The following SGCD variants were observed in gnomAD, a reference collection of about 807,000 sequenced individuals.
SGCD encodes the protein sarcoglycan delta.
In SGCD, 18 loss-of-function variants were observed where a neutral mutation model predicts 36.6. That is an observed-to-expected ratio of 0.49 (90% CI 0.34 to 0.73). The LOEUF is 0.73. SGCD is among the 30% of genes least tolerant of loss of function. SGCD has a pLI of 0.01. For missense variants in SGCD, 387 were observed against 346.7 expected, an observed-to-expected ratio of 1.12 and a Z score of -0.92; for synonymous variants, 133 against 130.6, an observed-to-expected ratio of 1.02 and a Z score of -0.12.
chr5:156,004,852 C>A (rs1758726864), intron 1 of SGCD, among the ~76,000 whole-genome samples: 2 of 152,196 alleles, frequency 1.3e-5, no homozygotes, highest in Non-Finnish European at 2.9e-5. Context: ...AGATTGAGCC[C>A]ATTCTCGCCT....
chr5:155,917,353 A>G (rs1408708498), intron 1 of SGCD, among the ~76,000 whole-genome samples: 1 of 152,186 alleles, frequency 6.6e-6, no homozygotes, highest in Non-Finnish European at 1.5e-5. Context: ...CTGACCTGAT[A>G]GAACTGTGGT....
At chr5:156,033,336 C>A (rs1212566100) in intron 1 of SGCD, among the ~76,000 whole-genome samples, 1 of 152,106 alleles carries the variant, frequency 6.6e-6, no homozygotes, top group East Asian at 1.9e-4. Context: ...ACCCGTCACC[C>A]AAATAGTGAA....
chr5:156,269,505 A>AAAAAAAC (rs1189540837), intron 3 of SGCD, among the ~76,000 whole-genome samples: 3 of 86,196 alleles, frequency 3.5e-5, no homozygotes, highest in Non-Finnish European at 7.3e-5. Context: ...AAAAAAAAAA[A>AAAAAAAC]AAAAACCATC....
chr5:156,289,923 G>A (rs529895889), intron 3 of SGCD, among the ~76,000 whole-genome samples: 1 of 152,102 alleles, frequency 6.6e-6, no homozygotes, highest in South Asian at 2.1e-4. Context: ...TAATAATACT[G>A]AATTATATGG....
intron 1 of SGCD, among the ~76,000 whole-genome samples, chr5:155,976,390 T>C (rs1186750588): frequency 6.6e-6 from 1 of 152,270 alleles, no homozygotes; most frequent in Non-Finnish European, 1.5e-5. Flanking sequence ...TAAAATGATA[T>C]CAATGGCTCA....
chr5:156,077,038 A>G (rs193277578), intron 1 of SGCD, among the ~76,000 whole-genome samples: 2 of 152,324 alleles, frequency 1.3e-5, no homozygotes, highest in Non-Finnish European at 2.9e-5. Flanking sequence ...TTTGGGGACA[A>G]TAAGTATACT....
At chr5:155,813,290 C>T in the SGCD span, among the ~76,000 whole-genome samples, 5 of 151,974 alleles carry the variant, frequency 3.3e-5, no homozygotes, top group East Asian at 3.9e-4. Flanking sequence ...ATGATCAAAG[C>T]TTGTCTTGAA....
In SGCD at chr5:156,203,872, C is replaced by T. The variant is rs73300683; in HGVS notation, c.-44+79853C>T. On this transcript the variant is annotated intron_variant, in intron 3 of 9. Transcript: ENST00000517913. Reference sequence around the variant, plus strand: ...ACATGAGGAGGTAATTTTTTAAAACCAATGATTGAGTTTGTATGACTGGGA... The same window carrying T: ...ACATGAGGAGGTAATTTTTTAAAACTAATGATTGAGTTTGTATGACTGGGA... 2.4e-3 allele frequency among the ~76,000 whole-genome samples: 364 copies of T among 152,034 alleles called. 2 individuals are homozygous for T. Among genetic ancestry groups the T allele is most frequent in the African/African-American group, 8.6e-3 (355 of 41,474 alleles).
intron 1 of SGCD, among the ~76,000 whole-genome samples, chr5:156,104,979 A>T (rs1472000493): frequency 2.0e-5 from 3 of 152,100 alleles, no homozygotes; most frequent in African/African-American, 7.2e-5. Context: ...GGGGAACATC[A>T]CACACTGGGG....
chr5:156,030,055 G>A (rs557249867), intron 1 of SGCD, among the ~76,000 whole-genome samples: 3 of 152,232 alleles, frequency 2.0e-5, no homozygotes, highest in Admixed American at 1.3e-4. Flanking sequence ...TAAGGTAACG[G>A]GTGCTTAGTT....
At chr5:156,693,610 A>G (rs960619237) in intron 7 of SGCD, among the ~76,000 whole-genome samples, 2 of 152,174 alleles carry the variant, frequency 1.3e-5, no homozygotes, top group Non-Finnish European at 2.9e-5. Context: ...TCTGTTCAAC[A>G]TAGTGTAGTG....
chr5:156,605,162 T>G (rs1388809538), intron 6 of SGCD, among the ~76,000 whole-genome samples: 3 of 152,146 alleles, frequency 2.0e-5, no homozygotes, highest in Non-Finnish European at 4.4e-5. Context: ...AACTCGTCAT[T>G]TAACATGAGG....
At chr5:156,619,064 T>C (rs1217569476) in intron 6 of SGCD, among the ~76,000 whole-genome samples, 1 of 151,782 alleles carries the variant, frequency 6.6e-6, no homozygotes, top group Non-Finnish European at 1.5e-5. Flanking sequence ...ATCGCTCTGT[T>C]GCCCAGGCTG....
At chr5:156,104,684 C>T (rs1761602274) in intron 1 of SGCD, among the ~76,000 whole-genome samples, 1 of 152,154 alleles carries the variant, frequency 6.6e-6, no homozygotes, top group Non-Finnish European at 1.5e-5. Context: ...CATAATGTGT[C>T]AGCAGTTCAA....
intron 6 of SGCD, among the ~76,000 whole-genome samples, chr5:156,619,969 AG>A (rs1286530557): frequency 2.0e-5 from 3 of 152,216 alleles, no homozygotes; most frequent in African/African-American, 7.2e-5. Context: ...AAACAAAGGA[AG>A]AAAGGAGAGA....
At chr5:156,475,038 T>C (rs773697807) in intron 3 of SGCD, among the ~76,000 whole-genome samples, 15 of 152,166 alleles carry the variant, frequency 9.9e-5, no homozygotes, top group Admixed American at 3.3e-4. Flanking sequence ...AAGTAAATAA[T>C]AGCTATTAGC....
chr5:156,747,571 C>T (rs1476833709), intron 7 of SGCD, among the ~76,000 whole-genome samples: 2 of 152,154 alleles, frequency 1.3e-5, no homozygotes, highest in African/African-American at 4.8e-5. Context: ...CCTCCCCTCC[C>T]TCAGTTTCTT....
intron 3 of SGCD, among the ~76,000 whole-genome samples, chr5:156,487,821 G>GAAAA (rs1755757024): frequency 1.1e-4 from 8 of 74,016 alleles, no homozygotes; most frequent in Admixed American, 1.6e-4. Context: ...AAAAAAGAAA[G>GAAAA]AAAGAAAAAG....
intron 7 of SGCD, among the ~76,000 whole-genome samples, chr5:156,713,805 C>T (rs1473161858): frequency 6.6e-6 from 1 of 152,174 alleles, no homozygotes; most frequent in Non-Finnish European, 1.5e-5. Flanking sequence ...GCTAGGTTAG[C>T]CAACTTCTAG....
Sources: allele counts gnomAD v4.1 joint callset (sites outside exome capture counted in the v4.1 genomes callset), GRCh38; gene constraint gnomAD v4.1.1; transcripts MANE v1.5; gene names NCBI Gene and HGNC (gene_info 2026-07-23, HGNC 2026-07-21).